Variants in VPS4B observed in about 807,000 individuals in gnomAD.
The protein encoded by VPS4B is vacuolar protein sorting-associated protein 4B.
Under a neutral mutation model 56.1 loss-of-function variants are expected in VPS4B, and 23 were observed. The observed-to-expected ratio is 0.41, with a 90% CI of 0.30 to 0.58. The LOEUF is 0.58. Ranked by LOEUF, VPS4B falls within the 20% of genes least tolerant of loss-of-function variation. The pLI is 0.29. For synonymous variants in VPS4B, 177 were observed against 186.0 expected (o/e 0.95, Z 0.39); for missense variants, 372 against 531.9 (o/e 0.70, Z 2.96).
chr18:63,396,838 A>C (rs1307531358), intron 9 of VPS4B, 196 bp downstream of exon 9: 1 of 556,990 alleles, frequency 1.8e-6, no homozygotes, highest in African/African-American at 1.9e-5. Context: ...AAAATACAAA[A>C]AATTAGCCAG....
intron 5 of VPS4B, among the ~76,000 whole-genome samples, chr18:63,402,568 T>G (rs1029868647): frequency 2.0e-5 from 3 of 152,146 alleles, no homozygotes; most frequent in Non-Finnish European, 4.4e-5. Flanking sequence ...CTAGTAAAAA[T>G]GTTGTTCTAA....
chr18:63,417,469 C>T (rs1004389506), intron 1 of VPS4B, among the ~76,000 whole-genome samples: 3 of 152,122 alleles, frequency 2.0e-5, no homozygotes, highest in Non-Finnish European at 2.9e-5. Context: ...CACCACTTTG[C>T]TGGTTTTCCT....
chr18:63,413,535 C>A (rs1916093229), intron 1 of VPS4B, among the ~76,000 whole-genome samples: 1 of 133,732 alleles, frequency 7.5e-6, no homozygotes. Flanking sequence ...TGAGACTCCA[C>A]CTCAAAAAAA....
intron 1 of VPS4B, among the ~76,000 whole-genome samples, chr18:63,419,852 C>T (rs976591365): frequency 6.6e-6 from 1 of 152,164 alleles, no homozygotes; most frequent in African/African-American, 2.4e-5. Flanking sequence ...GAATACTGTG[C>T]AGCTTTATTA....
intron 1 of VPS4B, among the ~76,000 whole-genome samples, chr18:63,413,983 A>AT (rs1179599783): frequency 6.6e-6 from 1 of 152,230 alleles, no homozygotes; most frequent in African/African-American, 2.4e-5. Flanking sequence ...ATCAGCTAGT[A>AT]TATGAACATA....
chr18:63,411,751 A>G (rs1158917552), intron 1 of VPS4B, among the ~76,000 whole-genome samples, 173 bp from the exon 2 acceptor site: 2 of 152,038 alleles, frequency 1.3e-5, no homozygotes, highest in Non-Finnish European at 2.9e-5. Context: ...ATTTTTTTCT[A>G]ACTCACAACT....
At chr18:63,419,502 T>C (rs1916247373) in intron 1 of VPS4B, among the ~76,000 whole-genome samples, 1 of 152,196 alleles carries the variant, frequency 6.6e-6, no homozygotes, top group Non-Finnish European at 1.5e-5. Context: ...CCACTTCATT[T>C]GAATGGATAC....
At chr18:63,409,131 TGAAGAA>T (rs1239827277) in intron 3 of VPS4B, among the ~76,000 whole-genome samples, 2 of 152,236 alleles carry the variant, frequency 1.3e-5, no homozygotes, top group Non-Finnish European at 2.9e-5. Flanking sequence ...GTGCTATCGA[TGAAGAA>T]GATAACATGT....
Position 63,394,136 on chromosome 18 carries a change from T to TAC in VPS4B, c.1093-589_1093-588dup, listed in dbSNP as rs1284958700. Reference sequence around the variant, plus strand: ...GAAGATGAGTTAAAAAAAAAATAGTTACCTGTGGCTTTCTCTTTTTCCCCT... The same window carrying TAC: ...GAAGATGAGTTAAAAAAAAAATAGTTACACCTGTGGCTTTCTCTTTTTCCCCT... On this transcript the variant is annotated intron_variant, in intron 9 of 10. Coordinates refer to ENST00000238497, the MANE Select transcript of VPS4B (RefSeq NM_004869.4). Among the ~76,000 whole-genome samples the TAC allele has an allele frequency of 1.3e-5, 2 of 152,208 alleles. 1 individual carries two copies. The highest frequency in any genetic ancestry group is 3.8e-4 in the East Asian group (2 of 5,206).
At chr18:63,400,291 A>C in intron 6 of VPS4B, 95 bp from the exon 7 acceptor site, 1 of 1,318,124 alleles carries the variant, frequency 7.6e-7, no homozygotes, top group Non-Finnish European at 1.0e-6. Context: ...TAGATTAAAA[A>C]GCCTAATCAT....
rs1417959787 is a variant in VPS4B, at chr18:63,389,616, TC to T, written c.*1358del. ...TTTATTTGAAAATATTAAAATAGCATCGTTTATTATTTTTTAATGAGTCATG... is the reference window on the plus strand; with the variant it reads ...TTTATTTGAAAATATTAAAATAGCATGTTTATTATTTTTTAATGAGTCATG... On this transcript the variant is annotated 3_prime_UTR_variant, in exon 11 of 11. Coordinates refer to ENST00000238497, the MANE Select transcript of VPS4B (RefSeq NM_004869.4). 2 of 91,894 alleles carry T rather than the reference TC, an allele frequency of 2.2e-5. No individual in the cohort carries two copies. Among genetic ancestry groups the T allele is most frequent in the Non-Finnish European group, 3.9e-5 (2 of 50,706 alleles). 5.7% of individuals were successfully genotyped at this position (91,894 alleles called of 1,614,324 possible).
At position 63,413,659 on chromosome 18, in the gene VPS4B, G is replaced by GT. The variant is rs566500393; in HGVS notation, c.28-2082dup. Among the ~76,000 whole-genome samples the GT allele has an allele frequency of 1.6e-3, 242 of 152,094 alleles. 1 individual carries two copies. Among genetic ancestry groups the GT allele is most frequent in the African/African-American group, 5.4e-3 (226 of 41,486 alleles). Reference sequence around the variant, plus strand: ...AACTATTCAACAGAAATAGGTGCCAGTAAAAAAAAATGAAAATTGACAGTT... The same window carrying GT: ...AACTATTCAACAGAAATAGGTGCCAGTTAAAAAAAAATGAAAATTGACAGTT... On this transcript the variant is annotated intron_variant, in intron 1 of 10. Transcript: ENST00000238497.
At position 63,410,274 on chromosome 18, in the gene VPS4B, A is replaced by T; in HGVS notation, c.296+16T>A. 1.2e-6 allele frequency: 2 copies of T among 1,604,650 alleles called. No homozygotes were observed. Among genetic ancestry groups the T allele is most frequent in the Non-Finnish European group, 1.7e-6 (2 of 1,177,710 alleles). On this transcript the variant is annotated intron_variant, in intron 3 of 10. Coordinates refer to ENST00000238497, the MANE Select transcript of VPS4B (RefSeq NM_004869.4). ...GCAAAAAGCCACAATAAAATTGAAC[A>T]ATTTTAAACACGTACCCCTTCTCAT...
chr18:63,403,819 A>G lies in VPS4B; in HGVS notation c.372T>C (p.Ile124=), dbSNP rs1398121095. The stretch of plus-strand genomic sequence containing the variant: ...ATTTCACATTTGGTCGTTCTATAAC[A>G]ATGGCACCTGCAAAAAATTACGTTA... The part of the protein sequence containing the change: ...KKLQNQLQGA[I]VIERPNVKWS... Residue 124 remains isoleucine, a synonymous_variant, in exon 5 of 11, where the codon ATT becomes ATC. Coordinates refer to ENST00000238497, the MANE Select transcript of VPS4B (RefSeq NM_004869.4). The G allele has an allele frequency of 6.2e-7, 1 of 1,601,130 alleles. No individual in the cohort carries two copies. The highest frequency in any genetic ancestry group is 8.5e-7 in the Non-Finnish European group (1 of 1,175,118).
rs547862726 is a variant in VPS4B, at chr18:63,398,702, G to A, written c.872+540C>T. On this transcript the variant is annotated intron_variant, in intron 8 of 10. Coordinates refer to ENST00000238497, the MANE Select transcript of VPS4B (RefSeq NM_004869.4). The stretch of plus-strand genomic sequence containing the variant: ...ATATACAAATTAGCTGGGCGTGGTG[G>A]TGCATACCTGTAGTCCCAGCTACTT... Among the ~76,000 whole-genome samples, 432 of 151,888 alleles carry A rather than the reference G, an allele frequency of 2.8e-3. 3 individuals carry two copies. Among genetic ancestry groups the A allele is most frequent in the African/African-American group, 0.01 (416 of 41,406 alleles).
At chr18:63,399,637 C>T (rs1915765648) in intron 7 of VPS4B, among the ~76,000 whole-genome samples, 1 of 152,008 alleles carries the variant, frequency 6.6e-6, no homozygotes, top group African/African-American at 2.4e-5. Context: ...GAAGTTGTTC[C>T]TGGTACATTA....
intron 2 of VPS4B, 123 bp downstream of exon 2, chr18:63,411,343 AT>A (rs367551881): frequency 0.16 from 79,028 of 496,004 alleles, 87 homozygotes; most frequent in East Asian, 0.19. Flanking sequence ...AAAGTGGAGT[AT>A]TTTTTTTTTT....
chr18:63,408,264 C>T (rs1298680065), intron 3 of VPS4B, among the ~76,000 whole-genome samples: 3 of 150,538 alleles, frequency 2.0e-5, no homozygotes, highest in Admixed American at 6.7e-5. Flanking sequence ...AAAAATAAGG[C>T]ATTATATCAT....
At chr18:63,418,479 G>A (rs925604119) in intron 1 of VPS4B, among the ~76,000 whole-genome samples, 7 of 151,664 alleles carry the variant, frequency 4.6e-5, no homozygotes, top group South Asian at 2.1e-4. Context: ...GTGTGATCAC[G>A]CCTCAGTGTT....
Sources: gnomAD v4.1 joint callset for allele counts (sites outside exome capture counted in the v4.1 genomes callset) on GRCh38, gnomAD v4.1.1 for gene constraint, MANE v1.5 for transcripts, NCBI Gene and HGNC (gene_info 2026-07-23, HGNC 2026-07-21) for gene names.